ATAD5: variants seen among roughly 807,000 people sequenced by gnomAD.
ATAD5 encodes ATPase family AAA domain-containing protein 5.
ATAD5 carries 58 observed loss-of-function variants against 176.9 expected under a neutral mutation model. The ratio of observed to expected loss-of-function variants is 0.33; its 90% CI spans 0.27 to 0.41. The LOEUF is 0.41. Ranked by LOEUF, ATAD5 falls within the 10% of genes least tolerant of loss-of-function variation. ATAD5 has a pLI of 1.00. For missense variants in ATAD5, 1,789 were observed against 2,094.1 expected (o/e 0.85, Z 2.84); for synonymous variants, 640 against 712.6 (o/e 0.90, Z 1.62).
At chr17:30,863,466 G>A (rs533936197) in intron 10 of ATAD5, among the ~76,000 whole-genome samples, 5 of 150,432 alleles carry the variant, frequency 3.3e-5, no homozygotes, top group Admixed American at 1.3e-4. Context: ...TCCTGGGTTC[G>A]TACCATCCTC....
chr17:30,887,480 A>T, intron 19 of ATAD5, 108 bp downstream of exon 19: 1 of 895,108 alleles, frequency 1.1e-6, no homozygotes, highest in Non-Finnish European at 1.7e-6. Context: ...ACTTTGGGGG[A>T]GTGAGGTGGG....
rs774343582 is a variant in ATAD5 at position 30,832,356 on chromosome 17, G to T, written c.9G>T (p.Gly3=). 12 of 1,561,344 alleles carry T rather than the reference G, an allele frequency of 7.7e-6. No homozygotes were observed. Among genetic ancestry groups the T allele is most frequent in the African/African-American group, 2.8e-5 (2 of 71,826 alleles). The change falls in exon 1 of 23, where the codon GGG becomes GGT. Residue 3 remains glycine (G), a synonymous_variant. Coordinates refer to ENST00000321990, the MANE Select transcript of ATAD5 (RefSeq NM_024857.5). ...TCCGGGAAGCGGGGAGTATGGTGGG[G>T]GTCCTGGCCATGGCGGCTGCAGCTG... MV[G]VLAMAAAAAP...
At chr17:30,871,671 G>T (rs1416009828) in intron 14 of ATAD5, among the ~76,000 whole-genome samples, 3 of 152,056 alleles carry the variant, frequency 2.0e-5, no homozygotes, top group East Asian at 3.9e-4. Context: ...TTTCTGAGTT[G>T]TTTTTTCAAT....
chr17:30,877,445 A>G lies in ATAD5; in HGVS notation c.3814A>G (p.Ile1272Val). Residue 1272 changes from isoleucine (I) to valine (V), a missense_variant, in exon 16 of 23, where the codon ATT (isoleucine) becomes GTT (valine). By Grantham distance (29) the Ile-to-Val change is conservative (BLOSUM62 3). This residue lies in a region of ATAD5 where 194 missense variants were observed against 270.1 expected (regional missense o/e 0.72). Transcript: ENST00000321990. ...GIKNSFEQKQ[I>V]TQTKSTNATN... ...AAAAAATTCTTTTGAACAGAAACAA[A>G]TTACTCAGACTAAATCTACAAATGC... 3 of 1,551,892 alleles carry G rather than the reference A, an allele frequency of 1.9e-6. No homozygotes were observed. Among genetic ancestry groups the G allele is most frequent in the Non-Finnish European group, 2.7e-6 (3 of 1,131,620 alleles).
chr17:30,876,976 C>T (rs1008062096), intron 15 of ATAD5, among the ~76,000 whole-genome samples: 2 of 151,974 alleles, frequency 1.3e-5, no homozygotes, highest in Admixed American at 1.3e-4. Flanking sequence ...CTTAGCATCC[C>T]AAAGTGCTGG....
chr17:30,850,849 ATATATATATATATATATATATTTTTTT>A (rs1906865478), intron 6 of ATAD5, among the ~76,000 whole-genome samples: 2 of 39,418 alleles, frequency 5.1e-5, no homozygotes, highest in Non-Finnish European at 1.1e-4. Flanking sequence ...ATATATATAT[ATATATATATATATATATATATTTTTTT>A]TTTTTTTTTT....
At chr17:30,883,940 A>G (rs1296472861) in intron 18 of ATAD5, among the ~76,000 whole-genome samples, 1 of 152,078 alleles carries the variant, frequency 6.6e-6, no homozygotes, top group East Asian at 1.9e-4. Flanking sequence ...AAATTTTTGT[A>G]TTAAAAAATT....
rs1909773061 is a variant in ATAD5 at position 30,893,930 on chromosome 17, A to G, written c.5077A>G (p.Ser1693Gly). The change falls in exon 21 of 23, where the codon AGT becomes GGT. Residue 1693 changes from serine to glycine, a missense_variant. Physicochemically the swap from Ser to Gly is moderately conservative, Grantham distance 56. Coordinates refer to ENST00000321990, the MANE Select transcript of ATAD5 (RefSeq NM_024857.5). ...KVTSGLCDEF[S>G]LESNDGWTSQ... is the part of the protein sequence containing the mutation. Reference sequence around the variant, plus strand: ...TACAAGTGGACTTTGTGATGAGTTTAGTCTTGAGAGTAATGATGGATGGAC... The same window carrying G: ...TACAAGTGGACTTTGTGATGAGTTTGGTCTTGAGAGTAATGATGGATGGAC... 6.2e-7 allele frequency: 1 copy of G among 1,614,094 alleles called. No homozygotes were observed. Among genetic ancestry groups the G allele is most frequent in the Non-Finnish European group, 8.5e-7 (1 of 1,179,940 alleles).
intron 10 of ATAD5, chr17:30,862,845 G>A (rs915642414): frequency 6.6e-6 from 1 of 152,090 alleles, no homozygotes; most frequent in East Asian, 1.9e-4. Flanking sequence ...AATTTGAAAT[G>A]CTCCAAAATC....
At position 30,834,238 on chromosome 17, in the gene ATAD5, G is replaced by A; in HGVS notation, c.157G>A (p.Val53Ile). 1.9e-6 allele frequency: 3 copies of A among 1,613,290 alleles called. No individual in the cohort carries two copies. Among genetic ancestry groups the A allele is most frequent in the Non-Finnish European group, 2.5e-6 (3 of 1,179,774 alleles). The stretch of plus-strand genomic sequence containing the variant: ...ACCACTAGGGAAGACTAGAGACAGG[G>A]TTTTTGCTCCACCAAAACCTAGTAA... The part of the protein sequence containing the change: ...LSPLGKTRDR[V>I]FAPPKPSNIL... Residue 53 changes from valine (V) to isoleucine (I), a missense_variant, in exon 2 of 23, where the codon GTT becomes ATT. This residue lies in a region of ATAD5 where 696 missense variants were observed against 712.5 expected (regional missense o/e 0.98). Transcript: ENST00000321990.
At chr17:30,855,433 A>G (rs1022107409) in intron 7 of ATAD5, 106 bp downstream of exon 7, 9 of 1,192,690 alleles carry the variant, frequency 7.5e-6, no homozygotes, top group Non-Finnish European at 1.1e-6. Context: ...TATCATTCTT[A>G]TGGTGACTTT....
At chr17:30,852,527 T>C (rs2142352064) in intron 6 of ATAD5, among the ~76,000 whole-genome samples, 1 of 152,336 alleles carries the variant, frequency 6.6e-6, no homozygotes, top group South Asian at 2.1e-4. Flanking sequence ...TTGTCTGTTT[T>C]GCATTCCCAT....
intron 11 of ATAD5, among the ~76,000 whole-genome samples, chr17:30,867,228 C>T (rs1245704151): frequency 6.6e-6 from 1 of 151,726 alleles, no homozygotes; most frequent in African/African-American, 2.4e-5. Flanking sequence ...AGGGAGACCC[C>T]ATCTCTACAA....
At chr17:30,848,945 A>G (rs1043383212) in intron 6 of ATAD5, among the ~76,000 whole-genome samples, 1 of 152,058 alleles carries the variant, frequency 6.6e-6, no homozygotes, top group African/African-American at 2.4e-5. Context: ...ATCTTGGCTC[A>G]CTGCAGTCTC....
At position 30,858,644 on chromosome 17, in the gene ATAD5, C is replaced by G. The variant is rs572436047; in HGVS notation, c.2956+321C>G. Among the ~76,000 whole-genome samples, 305 of 152,212 alleles carry G rather than the reference C, an allele frequency of 2.0e-3. 1 individual carries two copies. Among genetic ancestry groups the G allele is most frequent in the African/African-American group, 6.8e-3 (283 of 41,546 alleles). On this transcript the variant is annotated intron_variant, in intron 9 of 22. Coordinates refer to ENST00000321990, the MANE Select transcript of ATAD5 (RefSeq NM_024857.5). The stretch of plus-strand genomic sequence containing the variant: ...CAGGTGATCCATCTACCTCAGCCCC[C>G]CAAAATGCTGGGATTACAGGCATGA...
chr17:30,837,088 G>A (rs1597950742), intron 2 of ATAD5, 118 bp from the exon 3 acceptor site: 1 of 588,814 alleles, frequency 1.7e-6, no homozygotes, highest in East Asian at 3.4e-5. Context: ...AGGGTCCTGA[G>A]TAGCTGGGAT....
chr17:30,877,103 C>T (rs921223285), intron 15 of ATAD5, among the ~76,000 whole-genome samples: 2 of 149,936 alleles, frequency 1.3e-5, no homozygotes, highest in Non-Finnish European at 3.0e-5. Context: ...CTGCAACCTC[C>T]GCCTCCTGGG....
Position 30,855,274 on chromosome 17 carries a change from A to C in ATAD5, c.2582A>C (p.Asn861Thr). ...AAAGCTGCTGCGCTGGATGTGTACA[A>C]TGCAGTGAGTACCAGTTTCCAGAGA... is the stretch of plus-strand genomic sequence containing the variant. ...AKKAAALDVY[N>T]AVSTSFQRVV... is the part of the protein sequence containing the mutation. Residue 861 changes from asparagine (N) to threonine (T), a missense_variant, in exon 7 of 23, where the codon AAT (asparagine) becomes ACT (threonine). This residue lies in a region of ATAD5 where 487 missense variants were observed against 573.6 expected (regional missense o/e 0.85). Coordinates refer to ENST00000321990, the MANE Select transcript of ATAD5 (RefSeq NM_024857.5). 6.2e-7 allele frequency: 1 copy of C among 1,611,964 alleles called. No individual in the cohort carries two copies. Among genetic ancestry groups the C allele is most frequent in the Non-Finnish European group, 8.5e-7 (1 of 1,179,496 alleles).
chr17:30,865,681 A>AT (rs1164979909), intron 10 of ATAD5, 23 bp from the exon 11 acceptor site: 1 of 1,341,464 alleles, frequency 7.5e-7, no homozygotes, highest in Admixed American at 2.4e-5. Context: ...TGAATACCTT[A>AT]ATTTTTTTTT....
Sources: allele counts gnomAD v4.1 joint callset (sites outside exome capture counted in the v4.1 genomes callset), GRCh38; gene constraint gnomAD v4.1.1; regional missense constraint gnomAD v4.1.1; transcripts MANE v1.5; gene names NCBI Gene and HGNC (gene_info 2026-07-23, HGNC 2026-07-21).